MAN2B1: variants seen among roughly 807,000 people sequenced by gnomAD.
MAN2B1 encodes lysosomal alpha-mannosidase.
MAN2B1 carries 99 observed loss-of-function variants against 127.5 expected under a neutral mutation model. The ratio of observed to expected loss-of-function variants is 0.78; its 90% CI spans 0.66 to 0.92. The LOEUF is 0.92. Among genes scored for constraint, MAN2B1 ranks in the 40% least tolerant of loss-of-function variants. The probability of loss-of-function intolerance (pLI) is 0.00; values close to 1 mark genes in which losing one functional copy is unlikely to be tolerated. For missense variants in MAN2B1, 1,304 were observed against 1,384.8 expected (o/e 0.94, Z 0.93); for synonymous variants, 573 against 568.8 (o/e 1.01, Z -0.11).
In MAN2B1 at chr19:12,647,376, C is replaced by T; in HGVS notation, c.2821-41G>A. 1.9e-6 allele frequency: 3 copies of T among 1,611,846 alleles called. No individual in the cohort carries two copies. The highest frequency in any genetic ancestry group is 1.3e-5 in the African/African-American group (1 of 74,990). On this transcript the variant is annotated intron_variant, in intron 22 of 23. Coordinates refer to ENST00000456935, the MANE Select transcript of MAN2B1 (RefSeq NM_000528.4). The surrounding 1 kb of genome is among the most constrained non-coding windows in gnomAD (Gnocchi z 4.9). ...TGGGCCCAGATGAGTTGGGGCAAAG[C>T]CAGGTTTCTCTTCTCTCCCTCTCTC...
chr19:12,647,391 C>T lies in MAN2B1; in HGVS notation c.2820+52G>A, dbSNP rs957664522. On this transcript the variant is annotated intron_variant, in intron 22 of 23. Coordinates refer to ENST00000456935, the MANE Select transcript of MAN2B1 (RefSeq NM_000528.4). This position sits in a 1 kb window ranked among gnomAD's most constrained non-coding sequence, Gnocchi z 4.9. ...TGGGGCAAAGCCAGGTTTCTCTTCT[C>T]TCCCTCTCTCTTGCCTCTCTCCGAT... 1 of 1,612,232 alleles carries T rather than the reference C, an allele frequency of 6.2e-7. No homozygotes were observed. The highest frequency in any genetic ancestry group is 8.5e-7 in the Non-Finnish European group (1 of 1,178,240).
chr19:12,663,173 C>T lies in MAN2B1; in HGVS notation c.909+144G>A. On this transcript the variant is annotated intron_variant, in intron 6 of 23. Transcript: ENST00000456935. ...AGGTTGCAGTGAGCCGAGATCGCAC[C>T]ACTGCACTCCAGCCTGGGTGACAGA... 8 of 971,170 alleles carry T rather than the reference C, an allele frequency of 8.2e-6. No homozygotes were observed. The South Asian group carries it at 9.2e-5, about 11-fold the overall frequency. The allele number at this position is 971,170 out of a possible 1,614,324, so 60.2% of individuals were successfully genotyped here. A position where few individuals can be genotyped will look rare whatever the true frequency, so the allele number is the denominator to read the frequency against.
intron 16 of MAN2B1, among the ~76,000 whole-genome samples, chr19:12,651,895 G>A (rs1395636490): frequency 2.6e-5 from 4 of 152,186 alleles, no homozygotes; most frequent in Non-Finnish European, 5.9e-5. Context: ...CCAAAACTAA[G>A]TATGTAAACG....
At position 12,664,871 on chromosome 19, in the gene MAN2B1, C is replaced by T. The variant is rs758067984; in HGVS notation, c.551G>A (p.Gly184Asp). The T allele has an allele frequency of 6.2e-7, 1 of 1,614,072 alleles. No homozygotes were observed. The highest frequency in any genetic ancestry group is 1.3e-5 in the African/African-American group (1 of 75,072). Residue 184 changes from glycine (G) to aspartate (D), a missense_variant, in exon 4 of 24, where the codon GGC (glycine) becomes GAC (aspartate). Transcript: ENST00000456935. Reference protein sequence around the residue: ...LGLRFLEDTFGNDGRPRVAWH... With the variant: ...LGLRFLEDTFDNDGRPRVAWH... ...GGCCACACGGGGTCGCCCATCATTG[C>T]CAAATGTGTCCTCCAGAAAGCGCAG...
At position 12,664,964 on chromosome 19, in the gene MAN2B1, C is replaced by A. The variant is rs775456169; in HGVS notation, c.458G>T (p.Gly153Val). 1 of 1,613,932 alleles carries A rather than the reference C, an allele frequency of 6.2e-7. No homozygotes were observed. Among genetic ancestry groups the A allele is most frequent in the Admixed American group, 1.7e-5 (1 of 60,036 alleles). Residue 153 changes from glycine (G) to valine (V), a missense_variant, in exon 4 of 24, where the codon GGT becomes GTT. Coordinates refer to ENST00000456935, the MANE Select transcript of MAN2B1 (RefSeq NM_000528.4). ...VRQGRLEFAN[G>V]GWVMNDEAAT... is the part of the protein sequence containing the mutation. ...TGCCTCATCGTTCATCACCCAGCCA[C>A]CATTGGCGAACTCCAGGCGCCCTGT...
chr19:12,653,389 C>CG (rs745346529), intron 14 of MAN2B1, among the ~76,000 whole-genome samples: 2 of 14,150 alleles, frequency 1.4e-4, no homozygotes, highest in African/African-American at 1.8e-4. Flanking sequence ...TCATGATCCA[C>CG]CCCCCCCTCA....
At chr19:12,664,519 C>T (rs2024180633) in intron 4 of MAN2B1, among the ~76,000 whole-genome samples, 2 of 152,090 alleles carry the variant, frequency 1.3e-5, no homozygotes. Flanking sequence ...AGCCAGGACC[C>T]GAGCTAGTGG....
chr19:12,657,295 G>A (rs992742829), intron 11 of MAN2B1, 151 bp downstream of exon 11: 6 of 119,352 alleles, frequency 5.0e-5, no homozygotes, highest in African/African-American at 1.1e-4. Flanking sequence ...ATCTTTCCCC[G>A]CCTCCTACAA....
At chr19:12,656,394 C>CATAT in intron 13 of MAN2B1, 177 bp downstream of exon 13, 2 of 594,238 alleles carry the variant, frequency 3.4e-6, no homozygotes, top group South Asian at 4.0e-5. Flanking sequence ...TCACAGGAGG[C>CATAT]ATATGTTCCC....
At chr19:12,650,356 T>TA in intron 16 of MAN2B1, 134 bp from the exon 17 acceptor site, 6 of 622,960 alleles carry the variant, frequency 9.6e-6, no homozygotes, top group East Asian at 2.9e-5. Flanking sequence ...GCCACATAAT[T>TA]CTTTTTTTTT....
At chr19:12,660,434 G>A (rs1300112249) in intron 7 of MAN2B1, among the ~76,000 whole-genome samples, 7 of 152,074 alleles carry the variant, frequency 4.6e-5, no homozygotes, top group African/African-American at 1.4e-4. Flanking sequence ...CCCAGGAGGC[G>A]GAGGTTGCAG....
In MAN2B1 at chr19:12,648,343, G is replaced by A. The variant is rs1249833916; in HGVS notation, c.2496C>T (p.Asn832=). The stretch of plus-strand genomic sequence containing the variant: ...GCCCTCGCACCCACGCCCCCGACCC[G>A]TTCTCCATTAGTGGCTCCGATACTC... ...GRGVSEPLME[N]GSGAWVRGRH... Residue 832 remains asparagine (N), a synonymous_variant, in exon 21 of 24, where the codon AAC becomes AAT. Coordinates refer to ENST00000456935, the MANE Select transcript of MAN2B1 (RefSeq NM_000528.4). 1.2e-6 allele frequency: 2 copies of A among 1,613,820 alleles called. No individual in the cohort carries two copies. Among genetic ancestry groups the A allele is most frequent in the Non-Finnish European group, 1.7e-6 (2 of 1,179,932 alleles).
chr19:12,658,107 G>A lies in MAN2B1; in HGVS notation c.1265C>T (p.Ala422Val), dbSNP rs776615415. ...GGAGCCATAGGGTCCCACGTTGGCC[G>A]CCAGGCCCACCAGCGCCTCCAGCTG... ...CNQLEALVGL[A>V]ANVGPYGSGD... is the part of the protein sequence containing the mutation. Residue 422 changes from alanine to valine, a missense_variant, in exon 10 of 24, where the codon GCG becomes GTG. By Grantham distance (64) the Ala-to-Val change is moderately conservative. Transcript: ENST00000456935. 1 of 1,613,346 alleles carries A rather than the reference G, an allele frequency of 6.2e-7. No homozygotes were observed. The highest frequency in any genetic ancestry group is 1.7e-5 in the Admixed American group (1 of 60,006).
chr19:12,647,643 G>A lies in MAN2B1; in HGVS notation c.2665-45C>T, dbSNP rs1417696105. Reference sequence around the variant, plus strand: ...GCTGAGTTGGAGAGGGGCGGGGCCTGGATGGAGAAGGGCGGGGCCGAGCCA... The same window carrying A: ...GCTGAGTTGGAGAGGGGCGGGGCCTAGATGGAGAAGGGCGGGGCCGAGCCA... On this transcript the variant is annotated intron_variant, in intron 21 of 23. Transcript: ENST00000456935. The surrounding 1 kb of genome is among the most constrained non-coding windows in gnomAD (Gnocchi z 4.9). 1 of 1,566,436 alleles carries A rather than the reference G, an allele frequency of 6.4e-7. No homozygotes were observed. The highest frequency in any genetic ancestry group is 2.3e-5 in the East Asian group (1 of 44,222).
In MAN2B1 at chr19:12,650,008, G is replaced by A; in HGVS notation, c.2172C>T (p.Thr724=). 1 of 1,613,892 alleles carries A rather than the reference G, an allele frequency of 6.2e-7. No homozygotes were observed. The highest frequency in any genetic ancestry group is 8.5e-7 in the Non-Finnish European group (1 of 1,179,910). The change falls in exon 18 of 24, where the codon ACC becomes ACT. Residue 724 remains threonine (T), a synonymous_variant. Coordinates refer to ENST00000456935, the MANE Select transcript of MAN2B1 (RefSeq NM_000528.4). ...WSVGPIPVGD[T]WGKEVISRFD... Reference sequence around the variant, plus strand: ...AACGGCTGATGACCTCCTTCCCCCAGGTGTCGCTGTACCCAATGGGATGGC... The same window carrying A: ...AACGGCTGATGACCTCCTTCCCCCAAGTGTCGCTGTACCCAATGGGATGGC...
rs1247813668 is a variant in MAN2B1 at position 12,647,880 on chromosome 19, G to A, written c.2665-282C>T. On this transcript the variant is annotated intron_variant, in intron 21 of 23. Transcript: ENST00000456935. This position sits in a 1 kb window ranked among gnomAD's most constrained non-coding sequence, Gnocchi z 4.9. ...CGGGGCTGAAGCCGCGGGGCTGGGT[G>A]AGGCAGGACAGAGCCTGGGGGCGGT... is the stretch of plus-strand genomic sequence containing the variant. Among the ~76,000 whole-genome samples the A allele has an allele frequency of 6.6e-6, 1 of 150,898 alleles. No individual in the cohort carries two copies. Among genetic ancestry groups the A allele is most frequent in the Non-Finnish European group, 1.5e-5 (1 of 67,708 alleles).
intron 6 of MAN2B1, among the ~76,000 whole-genome samples, chr19:12,662,887 G>T (rs2081078978): frequency 6.6e-6 from 1 of 150,434 alleles, no homozygotes; most frequent in Non-Finnish European, 1.5e-5. Context: ...GCAGTGAGCT[G>T]AGATCATGCC....
At chr19:12,665,642 G>A in intron 2 of MAN2B1, 61 bp downstream of exon 2, 1 of 1,588,700 alleles carries the variant, frequency 6.3e-7, no homozygotes, top group East Asian at 2.2e-5. Flanking sequence ...TAATGTCCAG[G>A]ACCCAGAGGG....
intron 4 of MAN2B1, 25 bp from the exon 5 acceptor site, chr19:12,663,860 G>A: frequency 6.2e-7 from 1 of 1,613,980 alleles, no homozygotes; most frequent in Non-Finnish European, 8.5e-7. Context: ...GGAAAAGGCA[G>A]TGTGAATTAG....
Sources: gnomAD v4.1 joint callset for allele counts (sites outside exome capture counted in the v4.1 genomes callset) on GRCh38, gnomAD v4.1.1 for gene constraint, Gnocchi (gnomAD v3.1) non-coding constraint, MANE v1.5 for transcripts, NCBI Gene and HGNC (gene_info 2026-07-23, HGNC 2026-07-21) for gene names.